Variants in ADAM22 observed in about 807,000 individuals in gnomAD.
ADAM22 encodes the protein disintegrin and metalloproteinase domain-containing protein 22.
ADAM22 carries 65 observed loss-of-function variants against 144.6 expected under a neutral mutation model. That is an observed-to-expected ratio of 0.45 (90% confidence interval 0.37 to 0.55). ADAM22 has a LOEUF of 0.55. Among genes scored for constraint, ADAM22 ranks in the 20% least tolerant of loss-of-function variants. ADAM22 has a pLI of 0.00. For missense variants in ADAM22, 974 were observed against 1,184.9 expected, an observed-to-expected ratio of 0.82 and a Z score of 2.61; for synonymous variants, 391 against 412.6, an observed-to-expected ratio of 0.95 and a Z score of 0.63.
chr7:88,130,941 T>TTGGA (rs1831615120), intron 10 of ADAM22, among the ~76,000 whole-genome samples: 1 of 152,150 alleles, frequency 6.6e-6, no homozygotes, highest in Non-Finnish European at 1.5e-5. Flanking sequence ...TGGAGAGTCT[T>TTGGA]CATTGCTCCA....
chr7:87,954,957 A>G (rs1408747650), intron 2 of ADAM22, among the ~76,000 whole-genome samples: 3 of 152,060 alleles, frequency 2.0e-5, no homozygotes, highest in Non-Finnish European at 4.4e-5. Flanking sequence ...TTCTTCACGT[A>G]GTTCTCGAGC....
At chr7:88,035,205 G>A (rs190353066) in intron 3 of ADAM22, among the ~76,000 whole-genome samples, 4 of 152,274 alleles carry the variant, frequency 2.6e-5, no homozygotes, top group East Asian at 3.9e-4. Context: ...TATGGTCACC[G>A]AAAGGTCAAG....
intron 30 of ADAM22, among the ~76,000 whole-genome samples, chr7:88,189,847 G>A (rs1451099973): frequency 6.6e-6 from 1 of 152,154 alleles, no homozygotes; most frequent in Non-Finnish European, 1.5e-5. Flanking sequence ...GGGAGGCTGA[G>A]GCGGGAGAAT....
rs1461307783 is a variant in ADAM22, at chr7:88,038,602, G to A, written c.324-37024G>A. ...CCCGTGTAGCTGGGACTACAGGCGC[G>A]CACCACCATGCCCGGCTAATTTTTG... On this transcript the variant is annotated intron_variant, in intron 3 of 31. Coordinates refer to ENST00000413139, the MANE Select transcript of ADAM22 (RefSeq NM_001324418.2). Among the ~76,000 whole-genome samples the A allele has an allele frequency of 9.2e-5, 14 of 151,534 alleles. No individual in the cohort carries two copies. In the South Asian group the frequency reaches 2.5e-3, roughly 27 times the overall value.
At chr7:87,939,410 A>G (rs2131224411) in intron 2 of ADAM22, among the ~76,000 whole-genome samples, 1 of 152,336 alleles carries the variant, frequency 6.6e-6, no homozygotes, top group Middle Eastern at 3.4e-3. Flanking sequence ...TTTGTCCTGA[A>G]GGCAGTCAAA....
intron 3 of ADAM22, among the ~76,000 whole-genome samples, chr7:88,015,141 C>G (rs954338104): frequency 7.9e-5 from 12 of 152,048 alleles, no homozygotes; most frequent in African/African-American, 1.7e-4. Flanking sequence ...TAAATAATAC[C>G]TTTGTTCTGA....
chr7:88,191,865 A>G (rs1849692605), intron 30 of ADAM22, among the ~76,000 whole-genome samples: 1 of 152,226 alleles, frequency 6.6e-6, no homozygotes, highest in African/African-American at 2.4e-5. Context: ...TCTATCAAGA[A>G]TGTTCACTAC....
At chr7:88,061,583 T>A (rs976856191) in intron 3 of ADAM22, among the ~76,000 whole-genome samples, 5 of 152,194 alleles carry the variant, frequency 3.3e-5, no homozygotes, top group African/African-American at 9.7e-5. Flanking sequence ...AATAGCAATA[T>A]TTTGAAAGAA....
At chr7:88,142,333 C>T (rs1284859459) in intron 14 of ADAM22, among the ~76,000 whole-genome samples, 2 of 152,162 alleles carry the variant, frequency 1.3e-5, no homozygotes, top group Non-Finnish European at 2.9e-5. Flanking sequence ...AACAGCTCCT[C>T]TTTCTTTGAC....
At chr7:88,039,668 G>A (rs1802618949) in intron 3 of ADAM22, among the ~76,000 whole-genome samples, 1 of 150,424 alleles carries the variant, frequency 6.6e-6, no homozygotes, top group Non-Finnish European at 1.5e-5. Flanking sequence ...GACCAGTGGT[G>A]ATTACTGTTT....
intron 4 of ADAM22, among the ~76,000 whole-genome samples, chr7:88,107,506 T>C (rs970585242): frequency 2.0e-5 from 3 of 152,068 alleles, no homozygotes; most frequent in Non-Finnish European, 4.4e-5. Context: ...TGGCCCATGG[T>C]TGAATTTCTT....
chr7:88,161,713 C>T (rs1841688312), intron 22 of ADAM22, among the ~76,000 whole-genome samples: 3 of 152,104 alleles, frequency 2.0e-5, no homozygotes, highest in African/African-American at 7.2e-5. Context: ...GAAAAAAGAT[C>T]GATATCACTG....
At position 88,095,359 on chromosome 7, in the gene ADAM22, A is replaced by T. The variant is rs577955077; in HGVS notation, c.391-12817A>T. Among the ~76,000 whole-genome samples, 5 of 152,346 alleles carry T rather than the reference A, an allele frequency of 3.3e-5. No homozygotes were observed. The East Asian group carries it at 9.6e-4, about 29-fold the overall frequency. Reference sequence around the variant, plus strand: ...AATAAGTATCTGCTGAATGAAAAAAATAAGTGAAAGAATTAATCCAGGTAT... The same window carrying T: ...AATAAGTATCTGCTGAATGAAAAAATTAAGTGAAAGAATTAATCCAGGTAT... On this transcript the variant is annotated intron_variant, in intron 4 of 31. Coordinates refer to ENST00000413139, the MANE Select transcript of ADAM22 (RefSeq NM_001324418.2).
At chr7:88,046,184 C>T (rs1360139292) in intron 3 of ADAM22, among the ~76,000 whole-genome samples, 2 of 152,144 alleles carry the variant, frequency 1.3e-5, no homozygotes, top group African/African-American at 2.4e-5. Flanking sequence ...TTCCCATCAA[C>T]AGTGTGTGAG....
At chr7:88,145,254 C>T in intron 16 of ADAM22, 58 bp downstream of exon 16, 4 of 1,576,718 alleles carry the variant, frequency 2.5e-6, no homozygotes, top group Non-Finnish European at 3.5e-6. Context: ...ATTCCAGGTC[C>T]ACACACTGAG....
chr7:87,960,264 A>G (rs945110212), intron 2 of ADAM22, among the ~76,000 whole-genome samples: 1 of 152,230 alleles, frequency 6.6e-6, no homozygotes, highest in Non-Finnish European at 1.5e-5. Flanking sequence ...GGTTAGAAGA[A>G]GTCCATATGC....
At chr7:87,955,164 T>C (rs903522370) in intron 2 of ADAM22, among the ~76,000 whole-genome samples, 1 of 152,250 alleles carries the variant, frequency 6.6e-6, no homozygotes, top group Admixed American at 6.5e-5. Context: ...CCAGCTTTGT[T>C]CCGTTGCTGG....
intron 3 of ADAM22, among the ~76,000 whole-genome samples, chr7:88,067,971 C>T (rs1305398895): frequency 6.6e-6 from 1 of 152,022 alleles, no homozygotes; most frequent in African/African-American, 2.4e-5. Flanking sequence ...ACTTTTAATT[C>T]CCTTTTGTAG....
intron 3 of ADAM22, among the ~76,000 whole-genome samples, chr7:88,062,249 C>G (rs1810089417): frequency 6.6e-6 from 1 of 152,220 alleles, no homozygotes; most frequent in Non-Finnish European, 1.5e-5. Context: ...TGTTGAAAAT[C>G]TGTTGTGTGC....
Sources: allele counts gnomAD v4.1 joint callset (sites outside exome capture counted in the v4.1 genomes callset), GRCh38; gene constraint gnomAD v4.1.1; transcripts MANE v1.5; gene names NCBI Gene and HGNC (gene_info 2026-07-23, HGNC 2026-07-21).